FSTL4: variants seen among roughly 807,000 people sequenced by gnomAD.
The protein encoded by FSTL4 is follistatin-related protein 4.
A neutral mutation model predicts 78.2 loss-of-function variants in FSTL4; 28 were observed. The ratio of observed to expected loss-of-function variants is 0.36; its 90% confidence interval spans 0.27 to 0.49. The LOEUF (loss-of-function observed/expected upper bound fraction) is 0.49, where lower values mean the gene tolerates loss of function less well. Among genes scored for constraint, FSTL4 ranks in the 20% least tolerant of loss-of-function variants. FSTL4 has a pLI of 0.98. For synonymous variants in FSTL4, 422 were observed against 440.5 expected (o/e 0.96, Z 0.53); for missense variants, 922 against 1,084.9 (o/e 0.85, Z 2.11).
chr5:133,283,837 T>C (rs1334754820), intron 6 of FSTL4, among the ~76,000 whole-genome samples: 1 of 152,172 alleles, frequency 6.6e-6, no homozygotes, highest in African/African-American at 2.4e-5. Context: ...CCTCAGGCTG[T>C]ACAGGAAGCA....
intron 6 of FSTL4, chr5:133,270,068 A>G (rs1205931127): frequency 1.3e-5 from 2 of 152,188 alleles, no homozygotes; most frequent in African/African-American, 2.4e-5. Context: ...GTTCCACTTC[A>G]TTATCTCCAT....
At chr5:133,223,724 T>C (rs1053005408) in intron 11 of FSTL4, among the ~76,000 whole-genome samples, 2 of 152,368 alleles carry the variant, frequency 1.3e-5, no homozygotes, top group East Asian at 3.9e-4. Context: ...TAAACATCTA[T>C]ACATTTAAAA....
the FSTL4 span, among the ~76,000 whole-genome samples, chr5:133,776,833 T>G: frequency 1.3e-5 from 2 of 152,204 alleles, no homozygotes; most frequent in African/African-American, 4.8e-5. Context: ...CAGCTCTGAA[T>G]GCTTCCAGGC....
At chr5:133,830,757 G>A in the FSTL4 span, among the ~76,000 whole-genome samples, 41 of 152,126 alleles carry the variant, frequency 2.7e-4, no homozygotes, top group Non-Finnish European at 2.5e-4. Context: ...TCGTCAATTA[G>A]GTGAACACCC....
intron 3 of FSTL4, among the ~76,000 whole-genome samples, chr5:133,485,554 C>T (rs1015409283): frequency 2.0e-5 from 3 of 152,232 alleles, no homozygotes; most frequent in African/African-American, 7.2e-5. Flanking sequence ...GTCCTTTAAA[C>T]CCACTTTAAG....
chr5:133,461,642 G>A (rs991115585), intron 3 of FSTL4, among the ~76,000 whole-genome samples: 2 of 152,152 alleles, frequency 1.3e-5, no homozygotes, highest in Non-Finnish European at 2.9e-5. Flanking sequence ...GGACATATCT[G>A]GGGCGCCCAA....
intron 2 of FSTL4, among the ~76,000 whole-genome samples, chr5:133,601,974 C>T (rs1441676985): frequency 1.3e-5 from 2 of 151,904 alleles, no homozygotes; most frequent in African/African-American, 2.4e-5. Context: ...TGTGAGCCAC[C>T]GTACCTGGAA....
intron 13 of FSTL4, among the ~76,000 whole-genome samples, chr5:133,214,313 T>C (rs1750837952): frequency 6.6e-6 from 1 of 152,236 alleles, no homozygotes; most frequent in African/African-American, 2.4e-5. Context: ...AGGATCGATA[T>C]TATTCAGAGT....
chr5:133,441,257 A>G (rs1257912576), intron 3 of FSTL4, among the ~76,000 whole-genome samples: 1 of 152,112 alleles, frequency 6.6e-6, no homozygotes, highest in Non-Finnish European at 1.5e-5. Context: ...GCTGGTACTT[A>G]TCCAGCAACT....
At chr5:133,444,343 C>A (rs1243833759) in intron 3 of FSTL4, among the ~76,000 whole-genome samples, 1 of 152,128 alleles carries the variant, frequency 6.6e-6, no homozygotes, top group East Asian at 1.9e-4. Flanking sequence ...GGCCCATGAC[C>A]AATGAAGGCC....
the FSTL4 span, among the ~76,000 whole-genome samples, chr5:133,678,970 G>C: frequency 6.6e-6 from 1 of 152,140 alleles, no homozygotes; most frequent in African/African-American, 2.4e-5. Context: ...CTGTCGATCA[G>C]GGATCTCATT....
At chr5:133,337,449 G>A (rs1427492841) in intron 4 of FSTL4, among the ~76,000 whole-genome samples, 1 of 152,190 alleles carries the variant, frequency 6.6e-6, no homozygotes, top group Non-Finnish European at 1.5e-5. Context: ...CTGAATTGGA[G>A]CCCGAGGCTT....
At chr5:133,688,183 C>T in the FSTL4 span, among the ~76,000 whole-genome samples, 3 of 152,136 alleles carry the variant, frequency 2.0e-5, no homozygotes, top group South Asian at 4.2e-4. Context: ...TCGAGGCAGG[C>T]GGATCACTTG....
At chr5:133,675,515 C>T in the FSTL4 span, among the ~76,000 whole-genome samples, 1 of 152,170 alleles carries the variant, frequency 6.6e-6, no homozygotes. Flanking sequence ...ACACCAGTGC[C>T]CACAGGGGTG....
At chr5:133,216,971 T>C (rs1750926726) in intron 13 of FSTL4, among the ~76,000 whole-genome samples, 1 of 152,236 alleles carries the variant, frequency 6.6e-6, no homozygotes, top group Non-Finnish European at 1.5e-5. Flanking sequence ...TTCATAGTCC[T>C]TATTACTTAT....
chr5:133,654,941 C>T, the FSTL4 span, among the ~76,000 whole-genome samples: 2 of 152,182 alleles, frequency 1.3e-5, no homozygotes, highest in Non-Finnish European at 2.9e-5. Flanking sequence ...CTGCTTCAAA[C>T]TTCCCTATGC....
At chr5:133,237,010 T>C (rs1751682809) in intron 7 of FSTL4, among the ~76,000 whole-genome samples, 1 of 152,182 alleles carries the variant, frequency 6.6e-6, no homozygotes, top group Non-Finnish European at 1.5e-5. Flanking sequence ...AAAATAGCTG[T>C]CGAGGGGACT....
At chr5:133,560,085 C>T (rs1759879721) in intron 3 of FSTL4, among the ~76,000 whole-genome samples, 1 of 152,206 alleles carries the variant, frequency 6.6e-6, no homozygotes, top group African/African-American at 2.4e-5. Context: ...CATCTGACCC[C>T]TGCGTTTCCA....
rs145150822 is a variant in FSTL4, at chr5:133,314,626, G to C, written c.603+1833C>G. Among the ~76,000 whole-genome samples, 57 of 152,152 alleles carry C rather than the reference G, an allele frequency of 3.7e-4. 1 individual carries two copies. In the East Asian group the frequency reaches 9.1e-3, roughly 24 times the overall value. On this transcript the variant is annotated intron_variant, in intron 5 of 15. Transcript: ENST00000265342. ...AGGGAGATTCCAAGTGCCCTGAGGA[G>C]AGCAGGTGCATGCAAGTCAGCCTGC... is the stretch of plus-strand genomic sequence containing the variant.
Sources: gnomAD v4.1 joint callset for allele counts (sites outside exome capture counted in the v4.1 genomes callset) on GRCh38, gnomAD v4.1.1 for gene constraint, MANE v1.5 for transcripts, NCBI Gene and HGNC (gene_info 2026-07-23, HGNC 2026-07-21) for gene names.